Variants in LMNTD1 observed in about 807,000 individuals in gnomAD.
LMNTD1 encodes the protein lamin tail domain-containing protein 1.
In LMNTD1, 35 loss-of-function variants were observed where a neutral mutation model predicts 50.9. That is an observed-to-expected ratio of 0.69 (90% CI 0.53 to 0.91). LMNTD1 has a LOEUF of 0.91. LMNTD1 is among the 40% of genes least tolerant of loss of function. The pLI, the probability that LMNTD1 is intolerant of heterozygous loss-of-function variation, is 0.00. For synonymous variants in LMNTD1, 153 were observed against 161.9 expected, an observed-to-expected ratio of 0.94 and a Z score of 0.42; for missense variants, 470 against 475.5, an observed-to-expected ratio of 0.99 and a Z score of 0.11.
chr12:25,614,573 A>G (rs527327951), intron 1 of LMNTD1, among the ~76,000 whole-genome samples: 34 of 152,262 alleles, frequency 2.2e-4, no homozygotes, highest in Non-Finnish European at 3.4e-4. Context: ...TTCCTCCTAA[A>G]GTTAGTTTTC....
intron 2 of LMNTD1, among the ~76,000 whole-genome samples, chr12:25,550,703 C>T (rs147273781): frequency 2.8e-4 from 42 of 152,264 alleles, no homozygotes; most frequent in African/African-American, 1.0e-3. Flanking sequence ...GCTGCTGTCA[C>T]CCTCAATATC....
intron 9 of LMNTD1, among the ~76,000 whole-genome samples, chr12:25,491,281 T>C (rs1173996983): frequency 6.6e-6 from 1 of 152,236 alleles, no homozygotes; most frequent in Non-Finnish European, 1.5e-5. Flanking sequence ...AGACATTGTA[T>C]CTGAAATGTG....
chr12:25,481,215 C>T (rs1938432277), intron 9 of LMNTD1, among the ~76,000 whole-genome samples: 1 of 151,978 alleles, frequency 6.6e-6, no homozygotes, highest in African/African-American at 2.4e-5. Context: ...AGTAAACCTC[C>T]TTCAGCAGTT....
At position 25,526,798 on chromosome 12, in the gene LMNTD1, T is replaced by C; in HGVS notation, c.649A>G (p.Ile217Val). ...ACTGTGGAATTTGCCTGCATTACGA[T>C]GTTTGGAAGGAATCGGTACAAAGAA... ...TISLYRFLPNIVMQANSTVTV... is the reference protein window; with the variant it reads ...TISLYRFLPNVVMQANSTVTV... Residue 217 changes from isoleucine (I) to valine (V), a missense_variant, in exon 5 of 10, where the codon ATC becomes GTC. Ile to Val is a conservative substitution (Grantham distance 29). Coordinates refer to ENST00000458174, the MANE Select transcript of LMNTD1 (RefSeq NM_001145728.2). 4.3e-6 allele frequency: 7 copies of C among 1,611,304 alleles called. No individual in the cohort carries two copies. The highest frequency in any genetic ancestry group is 5.9e-6 in the Non-Finnish European group (7 of 1,178,622).
At chr12:25,622,927 C>A (rs1946508844) in intron 1 of LMNTD1, among the ~76,000 whole-genome samples, 1 of 129,458 alleles carries the variant, frequency 7.7e-6, no homozygotes, top group African/African-American at 3.1e-5. Context: ...CTTAATGAAC[C>A]TAAACATCTG....
At chr12:25,568,955 A>G (rs1944669856) in intron 1 of LMNTD1, among the ~76,000 whole-genome samples, 1 of 152,238 alleles carries the variant, frequency 6.6e-6, no homozygotes, top group Non-Finnish European at 1.5e-5. Flanking sequence ...GGGCAACACC[A>G]AGGGGAAATA....
At chr12:25,536,904 G>A (rs945719965) in intron 4 of LMNTD1, among the ~76,000 whole-genome samples, 1 of 152,248 alleles carries the variant, frequency 6.6e-6, no homozygotes, top group African/African-American at 2.4e-5. Context: ...GCGAGGCATT[G>A]CCTCACTCGG....
At chr12:25,570,277 TAAG>T (rs1443008892) in intron 1 of LMNTD1, among the ~76,000 whole-genome samples, 1 of 152,176 alleles carries the variant, frequency 6.6e-6, no homozygotes, top group Non-Finnish European at 1.5e-5. Flanking sequence ...CAGAATGTGA[TAAG>T]AACCAAAGGA....
chr12:25,598,090 C>T (rs1240299938), intron 1 of LMNTD1, among the ~76,000 whole-genome samples: 7 of 152,058 alleles, frequency 4.6e-5, no homozygotes, highest in Non-Finnish European at 1.0e-4. Context: ...CAACCCATTG[C>T]CATTCCTTCG....
At chr12:25,586,610 G>A (rs539240774) in intron 1 of LMNTD1, among the ~76,000 whole-genome samples, 1 of 152,296 alleles carries the variant, frequency 6.6e-6, no homozygotes, top group East Asian at 1.9e-4. Context: ...TTCTCAGAAA[G>A]ACCATTGGCA....
intron 4 of LMNTD1, among the ~76,000 whole-genome samples, chr12:25,535,161 A>C (rs1461098857): frequency 2.6e-5 from 4 of 152,218 alleles, no homozygotes; most frequent in Non-Finnish European, 5.9e-5. Context: ...GACATGACTG[A>C]GATTTAAAAA....
chr12:25,626,299 A>G (rs1003593118), intron 1 of LMNTD1, among the ~76,000 whole-genome samples: 1 of 152,036 alleles, frequency 6.6e-6, no homozygotes, highest in Non-Finnish European at 1.5e-5. Context: ...AGACCTGAAT[A>G]TTCATGATAT....
chr12:25,594,320 C>T (rs2136487458), intron 1 of LMNTD1, among the ~76,000 whole-genome samples: 1 of 152,200 alleles, frequency 6.6e-6, no homozygotes, highest in South Asian at 2.1e-4. Flanking sequence ...GCAAAACCAC[C>T]AGGTATCCTA....
intron 1 of LMNTD1, among the ~76,000 whole-genome samples, chr12:25,597,143 A>C (rs1348090559): frequency 6.6e-6 from 1 of 152,008 alleles, no homozygotes; most frequent in African/African-American, 2.4e-5. Flanking sequence ...AGAAAAGAAC[A>C]AAAAGACCAC....
Position 25,546,445 on chromosome 12 carries a change from G to A in LMNTD1, c.420C>T (p.His140=), listed in dbSNP as rs752160102. 3.1e-6 allele frequency: 5 copies of A among 1,601,426 alleles called. No homozygotes were observed. Among genetic ancestry groups the A allele is most frequent in the Non-Finnish European group, 8.5e-7 (1 of 1,172,744 alleles). ...LFGDSKKLTA[H]SNYTQKTLKY... Reference sequence around the variant, plus strand: ...TTAAAGTTTTCTGAGTGTAGTTTGAGTGTGCTGTAAGTTTCTTTGAATCAC... The same window carrying A: ...TTAAAGTTTTCTGAGTGTAGTTTGAATGTGCTGTAAGTTTCTTTGAATCAC... Residue 140 remains histidine, a synonymous_variant, in exon 4 of 10, where the codon CAC becomes CAT. Transcript: ENST00000458174.
chr12:25,618,317 G>C (rs1466804774), intron 1 of LMNTD1, among the ~76,000 whole-genome samples: 1 of 152,090 alleles, frequency 6.6e-6, no homozygotes, highest in Admixed American at 6.6e-5. Flanking sequence ...TGGAGAGCAG[G>C]CATCAATCTT....
Position 25,509,608 on chromosome 12 carries a change from T to C in LMNTD1, c.1190-5808A>G, listed in dbSNP as rs146855161. 1.1e-3 allele frequency among the ~76,000 whole-genome samples: 167 copies of C among 152,354 alleles called. 4 individuals are homozygous for C. In the East Asian group the frequency reaches 0.03, roughly 28 times the overall value. On this transcript the variant is annotated intron_variant, in intron 8 of 9. Coordinates refer to ENST00000458174, the MANE Select transcript of LMNTD1 (RefSeq NM_001145728.2). ...TTGAATTGTGTCTCCCTAAAAGATG[T>C]GTCCTAACCCTTGGAACGTGCGAAC... is the stretch of plus-strand genomic sequence containing the variant.
At chr12:25,529,033 C>T (rs1942026209) in intron 4 of LMNTD1, among the ~76,000 whole-genome samples, 2 of 152,150 alleles carry the variant, frequency 1.3e-5, no homozygotes, top group Non-Finnish European at 2.9e-5. Flanking sequence ...CCCAGATGAC[C>T]AATGCCCTTC....
At chr12:25,529,089 C>A (rs559341100) in intron 4 of LMNTD1, among the ~76,000 whole-genome samples, 2 of 152,186 alleles carry the variant, frequency 1.3e-5, no homozygotes, top group South Asian at 4.1e-4. Flanking sequence ...ATCTTCATGT[C>A]TCCTCAGTAT....
Sources: gnomAD v4.1 joint callset for allele counts (sites outside exome capture counted in the v4.1 genomes callset) on GRCh38, gnomAD v4.1.1 for gene constraint, MANE v1.5 for transcripts, NCBI Gene and HGNC (gene_info 2026-07-23, HGNC 2026-07-21) for gene names.